SCUBE1: variants seen among roughly 807,000 people sequenced by gnomAD.
SCUBE1 encodes the protein signal peptide, CUB and EGF-like domain-containing protein 1.
In SCUBE1, 59 loss-of-function variants were observed where a neutral mutation model predicts 124.4. The observed-to-expected ratio is 0.47, with a 90% CI of 0.38 to 0.59. The LOEUF (loss-of-function observed/expected upper bound fraction) is 0.59, where lower values mean the gene tolerates loss of function less well. Ranked by LOEUF, SCUBE1 falls within the 20% of genes least tolerant of loss-of-function variation. The probability of loss-of-function intolerance (pLI) is 0.00; values close to 1 mark genes in which losing one functional copy is unlikely to be tolerated. For synonymous variants in SCUBE1, 545 were observed against 550.9 expected (o/e 0.99, Z 0.15); for missense variants, 1,150 against 1,371.2 (o/e 0.84, Z 2.55).
intron 3 of SCUBE1, among the ~76,000 whole-genome samples, chr22:43,315,961 C>T (rs17003649): frequency 0.052 from 7,908 of 152,176 alleles, 661 homozygotes; most frequent in African/African-American, 0.18. Context: ...GGTAAGAGTA[C>T]AGTGGCTGGA....
rs565720414 is a variant in SCUBE1 at position 43,290,916 on chromosome 22, GTCAT to G, written c.484+126_484+129del. ...GAACCAATACCAGACGTGCAAAACA[GTCAT>G]TCAGACTACCACCAAAATTCCCTGC... is the stretch of plus-strand genomic sequence containing the variant. On this transcript the variant is annotated intron_variant, in intron 4 of 21. Coordinates refer to ENST00000360835, the MANE Select transcript of SCUBE1 (RefSeq NM_173050.5). 1.7e-3 allele frequency: 1,735 copies of G among 1,008,844 alleles called. 3 individuals are homozygous for G. Among genetic ancestry groups the G allele is most frequent in the Non-Finnish European group, 2.3e-3 (1,616 of 709,514 alleles). The allele number at this position is 1,008,844 out of a possible 1,614,324, so 62.5% of individuals were successfully genotyped here.
chr22:43,335,937 ATGG>A (rs1481992810), intron 2 of SCUBE1, among the ~76,000 whole-genome samples: 4 of 151,446 alleles, frequency 2.6e-5, no homozygotes, highest in African/African-American at 9.7e-5. Flanking sequence ...GGTGATGATG[ATGG>A]TGATGAAGAT....
intron 3 of SCUBE1, among the ~76,000 whole-genome samples, chr22:43,302,120 A>C (rs1925796475): frequency 6.6e-6 from 1 of 152,230 alleles, no homozygotes; most frequent in South Asian, 2.1e-4. Context: ...AGCTGTGCTC[A>C]TCTGCCGCCT....
intron 11 of SCUBE1, 126 bp from the exon 12 acceptor site, chr22:43,222,868 G>T: frequency 1.0e-6 from 1 of 953,068 alleles, no homozygotes; most frequent in Non-Finnish European, 1.6e-6. Flanking sequence ...GCCAGTTTCT[G>T]CTACACAACC....
In SCUBE1 at chr22:43,223,084, C is replaced by T. The variant is rs772249866; in HGVS notation, c.1327+13G>A. On this transcript the variant is annotated intron_variant, in intron 11 of 21. Coordinates refer to ENST00000360835, the MANE Select transcript of SCUBE1 (RefSeq NM_173050.5). ...CTGCCACAGCATCCCATCTCAGGGA[C>T]GGCCCGGGTTACCTGGCACGAAGAG... 19 of 1,519,812 alleles carry T rather than the reference C, an allele frequency of 1.3e-5. No homozygotes were observed. The highest frequency in any genetic ancestry group is 1.7e-4 in the Middle Eastern group (1 of 5,738). 94.1% of individuals were successfully genotyped at this position (1,519,812 alleles called of 1,614,324 possible).
rs139923370 is a variant in SCUBE1, at chr22:43,275,309, G to A, written c.485-12464C>T. 2.0e-5 allele frequency among the ~76,000 whole-genome samples: 3 copies of A among 152,354 alleles called. No individual in the cohort carries two copies. The East Asian group carries it at 5.8e-4, about 29-fold the overall frequency. ...GACCCAGCAAACCACGACGCGCTGG[G>A]CGTCCCTCTCCTGGCGGTGGGCTGG... On this transcript the variant is annotated intron_variant, in intron 4 of 21. Coordinates refer to ENST00000360835, the MANE Select transcript of SCUBE1 (RefSeq NM_173050.5).
At chr22:43,263,334 T>C (rs1923943076) in intron 4 of SCUBE1, among the ~76,000 whole-genome samples, 1 of 152,168 alleles carries the variant, frequency 6.6e-6, no homozygotes, top group Non-Finnish European at 1.5e-5. Flanking sequence ...TCCTGGTGAT[T>C]TGTGAGGCGT....
chr22:43,294,280 A>G (rs1478285506), intron 3 of SCUBE1, among the ~76,000 whole-genome samples: 3 of 152,206 alleles, frequency 2.0e-5, no homozygotes, highest in Admixed American at 1.3e-4. Context: ...ATCTCTAGGG[A>G]AGGGCCTGAG....
chr22:43,285,863 T>G (rs1458648728), intron 4 of SCUBE1, among the ~76,000 whole-genome samples: 1 of 152,234 alleles, frequency 6.6e-6, no homozygotes. Context: ...GATGGCCATC[T>G]TGTTGGGCCT....
Position 43,261,647 on chromosome 22 carries a change from C to T in SCUBE1, c.610+1073G>A, listed in dbSNP as rs947433885. 5.8e-4 allele frequency among the ~76,000 whole-genome samples: 89 copies of T among 152,300 alleles called. 1 individual carries two copies. Among genetic ancestry groups the T allele is most frequent in the African/African-American group, 2.0e-3 (84 of 41,570 alleles). ...AGAACGGTCATTTTCTTTATGACAGCGGGGCAGCCTCAGTCTCTCATTTCC... is the reference window on the plus strand; with the variant it reads ...AGAACGGTCATTTTCTTTATGACAGTGGGGCAGCCTCAGTCTCTCATTTCC... On this transcript the variant is annotated intron_variant, in intron 5 of 21. Transcript: ENST00000360835.
At chr22:43,296,891 G>C (rs1252893951) in intron 3 of SCUBE1, among the ~76,000 whole-genome samples, 2 of 152,222 alleles carry the variant, frequency 1.3e-5, no homozygotes, top group African/African-American at 4.8e-5. Context: ...CTCCAGTGAG[G>C]TATGGGACAA....
At chr22:43,254,361 C>T (rs1923575496) in intron 6 of SCUBE1, among the ~76,000 whole-genome samples, 1 of 152,222 alleles carries the variant, frequency 6.6e-6, no homozygotes, top group Admixed American at 6.5e-5. Context: ...CAGCAGCACA[C>T]AAGGCCATAT....
At chr22:43,264,032 G>A (rs1253226980) in intron 4 of SCUBE1, among the ~76,000 whole-genome samples, 1 of 152,196 alleles carries the variant, frequency 6.6e-6, no homozygotes, top group Non-Finnish European at 1.5e-5. Flanking sequence ...GGTGGAGGCT[G>A]ATTTGCAGTA....
At chr22:43,216,201 C>T (rs1921803641) in intron 15 of SCUBE1, among the ~76,000 whole-genome samples, 1 of 151,836 alleles carries the variant, frequency 6.6e-6, no homozygotes, top group African/African-American at 2.4e-5. Flanking sequence ...CGCTCGCCAC[C>T]ACACCCAGCT....
chr22:43,216,214 T>A (rs1231752618), intron 15 of SCUBE1, among the ~76,000 whole-genome samples: 1 of 151,326 alleles, frequency 6.6e-6, no homozygotes, highest in Admixed American at 6.6e-5. Context: ...ACCCAGCTAA[T>A]TTTTGTATTT....
intron 3 of SCUBE1, 77 bp downstream of exon 3, chr22:43,319,860 G>A (rs1307791874): frequency 1.3e-6 from 2 of 1,538,406 alleles, no homozygotes; most frequent in South Asian, 1.2e-5. Context: ...ACCTTCTCAT[G>A]GCTCCCAACT....
chr22:43,263,238 C>G (rs534540541), intron 4 of SCUBE1, among the ~76,000 whole-genome samples: 1 of 152,220 alleles, frequency 6.6e-6, no homozygotes, highest in African/African-American at 2.4e-5. Flanking sequence ...GGGTACCCCC[C>G]ACCCGCCCAG....
At chr22:43,311,070 A>C (rs897353422) in intron 3 of SCUBE1, among the ~76,000 whole-genome samples, 1 of 152,212 alleles carries the variant, frequency 6.6e-6, no homozygotes, top group Non-Finnish European at 1.5e-5. Context: ...TGAGCCACCA[A>C]GCCTGGCCTT....
At chr22:43,298,434 C>T (rs1210272110) in intron 3 of SCUBE1, among the ~76,000 whole-genome samples, 13 of 152,196 alleles carry the variant, frequency 8.5e-5, no homozygotes, top group Admixed American at 7.2e-4. Flanking sequence ...GGAGATGAGG[C>T]GCATGAATGG....
Sources: allele counts gnomAD v4.1 joint callset (sites outside exome capture counted in the v4.1 genomes callset), GRCh38; gene constraint gnomAD v4.1.1; transcripts MANE v1.5; gene names NCBI Gene and HGNC (gene_info 2026-07-23, HGNC 2026-07-21).